ZNF44: variants seen among roughly 807,000 people sequenced by gnomAD.
The protein encoded by ZNF44 is gonadotropin inducible transcription repressor-2.
Under a neutral mutation model 11.7 loss-of-function variants are expected in ZNF44, and 9 were observed. The observed-to-expected ratio is 0.77, with a 90% CI of 0.46 to 1.35. ZNF44 has a LOEUF of 1.35. ZNF44 is among the 40% of genes most tolerant of loss of function. The pLI is 0.00. For synonymous variants in ZNF44, 224 were observed against 242.7 expected (o/e 0.92, Z 0.72); for missense variants, 696 against 743.1 (o/e 0.94, Z 0.74).
At chr19:12,259,035 C>G (rs909505078) in intron 5 of ZNF44, among the ~76,000 whole-genome samples, 1 of 151,894 alleles carries the variant, frequency 6.6e-6, no homozygotes. Context: ...CCACTACACC[C>G]GGCTAATTTT....
At chr19:12,250,290 G>A in exon 6 of ZNF44, 1 of 1,366,682 alleles carries the variant, frequency 7.3e-7, no homozygotes, top group South Asian at 1.1e-5. Context: ...TCTCTGTAGA[G>A]TTTTTTCTGT....
chr19:12,228,920 A>G (rs1437003967), intron 3 of ZNF44, among the ~76,000 whole-genome samples: 2 of 152,180 alleles, frequency 1.3e-5, no homozygotes, highest in African/African-American at 4.8e-5. Flanking sequence ...ACCTTATAGT[A>G]TTTGGCAGAG....
intron 1 of ZNF44, among the ~76,000 whole-genome samples, chr19:12,281,056 C>T (rs1295550437): frequency 1.3e-5 from 2 of 152,172 alleles, no homozygotes; most frequent in East Asian, 3.8e-4. Flanking sequence ...CAGAAAATCA[C>T]TAATGATATA....
chr19:12,240,563 G>C (rs1178155095), upstream of ZNF44, among the ~76,000 whole-genome samples: 2 of 151,870 alleles, frequency 1.3e-5, no homozygotes, highest in Non-Finnish European at 1.5e-5. Context: ...TTTCAAACTG[G>C]CTATAAAACT....
chr19:12,250,235 T>A, intron 6 of ZNF44: 1 of 1,356,488 alleles, frequency 7.4e-7, no homozygotes, highest in Non-Finnish European at 9.8e-7. Context: ...AATGATTTCA[T>A]TTTTACCTAT....
At chr19:12,241,311 C>T (rs1916607209), upstream of ZNF44, among the ~76,000 whole-genome samples, 1 of 152,214 alleles carries the variant, frequency 6.6e-6, no homozygotes, top group South Asian at 2.1e-4. Context: ...GAGAATTTTA[C>T]ACACAGCCAC....
In ZNF44 at chr19:12,266,419, G is replaced by GA. The variant is rs929899846; in HGVS notation, c.1912+6067dup. 2,934 of 868,006 alleles carry GA rather than the reference G, an allele frequency of 3.4e-3. 5 individuals carry two copies. Among genetic ancestry groups the GA allele is most frequent in the Non-Finnish European group, 3.7e-3 (2,709 of 722,710 alleles). 53.8% of individuals were successfully genotyped at this position (868,006 alleles called of 1,614,324 possible). A position where few individuals can be genotyped will look rare whatever the true frequency, so the allele number is the denominator to read the frequency against. On this transcript the variant is annotated intron_variant and NMD_transcript_variant, in intron 5 of 7. Transcript: ENST00000393337. ...GACCCGAGGGCGCCAAGGCGAGAGG[G>GA]AAAAAAAACCCAAACCCACGGGCTT...
upstream of ZNF44, among the ~76,000 whole-genome samples, chr19:12,239,891 T>C (rs1323546887): frequency 6.6e-6 from 1 of 151,998 alleles, no homozygotes; most frequent in Admixed American, 6.6e-5. Context: ...CGTTTTTATA[T>C]AGTAACAATA....
At chr19:12,253,422 TC>T (rs1173980606) in intron 5 of ZNF44, among the ~76,000 whole-genome samples, 2 of 152,030 alleles carry the variant, frequency 1.3e-5, no homozygotes, top group African/African-American at 4.8e-5. Context: ...ACTCCTGACT[TC>T]AGGTGATCCA....
Position 12,272,632 on chromosome 19 carries a change from G to A in ZNF44, c.1623C>T (p.Phe541=). Residue 541 remains phenylalanine, a synonymous_variant, in exon 4 of 4, where the codon TTC becomes TTT. Transcript: ENST00000355684. The part of the protein sequence containing the change: ...PYECKQCRKA[F]FWPSFLLRHE... The stretch of plus-strand genomic sequence containing the variant: ...GTCTTAGAAGGAAAGAGGGCCAAAA[G>A]AATGCTTTCCTGCATTGCTTACATT... 1 of 1,612,768 alleles carries A rather than the reference G, an allele frequency of 6.2e-7. No homozygotes were observed. The highest frequency in any genetic ancestry group is 8.5e-7 in the Non-Finnish European group (1 of 1,179,504).
chr19:12,287,773 G>A (rs1015137991), intron 1 of ZNF44, among the ~76,000 whole-genome samples: 3 of 152,156 alleles, frequency 2.0e-5, no homozygotes, highest in Non-Finnish European at 2.9e-5. Context: ...AAACACATGA[G>A]TGCAGGGAAC....
chr19:12,267,318 A>T (rs1005382697), downstream of ZNF44, among the ~76,000 whole-genome samples: 8 of 152,140 alleles, frequency 5.3e-5, no homozygotes, highest in African/African-American at 1.9e-4. Context: ...TGCTGGGATT[A>T]CAGGAGTGAG....
chr19:12,228,206 T>TGTGG (rs1916001917), intron 3 of ZNF44, among the ~76,000 whole-genome samples: 2 of 152,136 alleles, frequency 1.3e-5, no homozygotes, highest in South Asian at 4.1e-4. Context: ...AACAATTGTT[T>TGTGG]AACTTTTTAA....
chr19:12,266,719 G>C (rs1483878808), intron 5 of ZNF44, among the ~76,000 whole-genome samples: 6 of 152,184 alleles, frequency 3.9e-5, no homozygotes, highest in Non-Finnish European at 8.8e-5. Flanking sequence ...GTTTAAATAA[G>C]AAACCAGCAG....
chr19:12,262,311 C>A (rs941587683), intron 5 of ZNF44, among the ~76,000 whole-genome samples: 1 of 151,860 alleles, frequency 6.6e-6, no homozygotes, highest in Non-Finnish European at 1.5e-5. Flanking sequence ...CACTTTGATG[C>A]CCAGGCTGGA....
chr19:12,272,596 A>G lies in ZNF44; in HGVS notation c.1659T>C (p.Thr553=). The G allele has an allele frequency of 6.2e-7, 1 of 1,613,232 alleles. No individual in the cohort carries two copies. ...WPSFLLRHER[T]HTGERPYECK... ...ATTCATAGGGTCTTTCTCCAGTGTG[A>G]GTCCTTTCATGTCTTAGAAGGAAAG... The change falls in exon 4 of 4, where the codon ACT becomes ACC. Residue 553 remains threonine (T), a synonymous_variant. Coordinates refer to ENST00000355684, the MANE Select transcript of ZNF44 (RefSeq NM_016264.4).
intron 5 of ZNF44, among the ~76,000 whole-genome samples, chr19:12,262,834 T>C (rs1211748668): frequency 2.6e-5 from 4 of 152,096 alleles, no homozygotes; most frequent in African/African-American, 9.7e-5. Context: ...TACAAAATGC[T>C]AAGGGAAACT....
chr19:12,235,135 G>A (rs1003819189), intron 1 of ZNF44, among the ~76,000 whole-genome samples: 1 of 152,168 alleles, frequency 6.6e-6, no homozygotes, highest in African/African-American at 2.4e-5. Flanking sequence ...CCAACACTTT[G>A]GGGGGCAGAG....
intron 5 of ZNF44, among the ~76,000 whole-genome samples, chr19:12,258,762 G>A (rs578072307): frequency 2.0e-5 from 3 of 152,210 alleles, no homozygotes; most frequent in Non-Finnish European, 4.4e-5. Context: ...CCTGAGAGGC[G>A]GAGGCTGCAG....
Sources: allele counts gnomAD v4.1 joint callset (sites outside exome capture counted in the v4.1 genomes callset), GRCh38; gene constraint gnomAD v4.1.1; transcripts MANE v1.5; gene names NCBI Gene and HGNC (gene_info 2026-07-23, HGNC 2026-07-21).